KCNIP4: variants seen among roughly 807,000 people sequenced by gnomAD.
KCNIP4 encodes Kv channel-interacting protein 4.
In KCNIP4, 12 loss-of-function variants were observed where a neutral mutation model predicts 34.0. That is an observed-to-expected ratio of 0.35 (90% CI 0.23 to 0.57). The LOEUF (loss-of-function observed/expected upper bound fraction) is 0.57. Among genes scored for constraint, KCNIP4 ranks in the 20% least tolerant of loss-of-function variants. The pLI is 0.83. For synonymous variants in KCNIP4, 124 were observed against 102.2 expected, an observed-to-expected ratio of 1.21 and a Z score of -1.29; for missense variants, 238 against 311.7, an observed-to-expected ratio of 0.76 and a Z score of 1.78.
chr4:20,777,466 G>T (rs534712128), intron 3 of KCNIP4, among the ~76,000 whole-genome samples: 7 of 152,246 alleles, frequency 4.6e-5, no homozygotes, highest in Non-Finnish European at 7.4e-5. Flanking sequence ...TAATGAATAG[G>T]ATTAATGTTC....
chr4:20,941,295 C>T (rs567209946), intron 1 of KCNIP4, among the ~76,000 whole-genome samples: 13 of 152,312 alleles, frequency 8.5e-5, no homozygotes, highest in African/African-American at 2.4e-4. Flanking sequence ...TAGTAGTGAA[C>T]TTATTTCTGC....
chr4:20,923,897 C>G (rs1729653678), intron 1 of KCNIP4, among the ~76,000 whole-genome samples: 1 of 151,984 alleles, frequency 6.6e-6, no homozygotes, highest in Non-Finnish European at 1.5e-5. Flanking sequence ...CAGTTACACT[C>G]TAATATATTC....
chr4:20,857,442 C>T (rs552395084), intron 2 of KCNIP4, among the ~76,000 whole-genome samples: 57 of 152,244 alleles, frequency 3.7e-4, no homozygotes, highest in African/African-American at 1.2e-3. Flanking sequence ...TAATCCTAAT[C>T]CTCACAATAA....
At chr4:20,918,464 CTCTTT>C (rs1300740041) in intron 1 of KCNIP4, among the ~76,000 whole-genome samples, 3 of 152,064 alleles carry the variant, frequency 2.0e-5, no homozygotes, top group African/African-American at 7.2e-5. Context: ...TATCTTTTTT[CTCTTT>C]TAATACTTTT....
chr4:21,520,121 C>T (rs1316386246), intron 1 of KCNIP4, among the ~76,000 whole-genome samples: 1 of 151,996 alleles, frequency 6.6e-6, no homozygotes, highest in Non-Finnish European at 1.5e-5. Context: ...TCTAGCCAAG[C>T]TGGCAACTGA....
chr4:21,219,537 A>G (rs1015192840), intron 1 of KCNIP4, among the ~76,000 whole-genome samples: 4 of 152,222 alleles, frequency 2.6e-5, no homozygotes, highest in Non-Finnish European at 4.4e-5. Flanking sequence ...AATAGCCTTC[A>G]CCATTCACTA....
intron 3 of KCNIP4, among the ~76,000 whole-genome samples, chr4:20,774,162 C>A (rs1756162961): frequency 6.6e-6 from 1 of 152,152 alleles, no homozygotes; most frequent in African/African-American, 2.4e-5. Flanking sequence ...ACCCAGTACA[C>A]ATTCCCCATG....
intron 1 of KCNIP4, among the ~76,000 whole-genome samples, chr4:21,298,387 G>A (rs1279741326): frequency 6.6e-6 from 1 of 152,078 alleles, no homozygotes; most frequent in Non-Finnish European, 1.5e-5. Context: ...CTCCAATATG[G>A]ATCATCTTAC....
At chr4:21,769,594 T>C (rs778734360) in intron 1 of KCNIP4, among the ~76,000 whole-genome samples, 3 of 152,112 alleles carry the variant, frequency 2.0e-5, no homozygotes, top group African/African-American at 2.4e-5. Flanking sequence ...GCAAGAAGAT[T>C]TTATCTAGAT....
chr4:21,175,618 T>C (rs1249072217), intron 1 of KCNIP4, among the ~76,000 whole-genome samples: 1 of 152,126 alleles, frequency 6.6e-6, no homozygotes, highest in Non-Finnish European at 1.5e-5. Flanking sequence ...GGGGCCATGA[T>C]TAAATAAAAT....
chr4:21,598,460 A>T (rs1178987980), intron 1 of KCNIP4, among the ~76,000 whole-genome samples: 1 of 152,040 alleles, frequency 6.6e-6, no homozygotes, highest in Non-Finnish European at 1.5e-5. Context: ...GCTATAGGAG[A>T]TATGTAAAAA....
chr4:20,982,092 C>G (rs185337886), intron 1 of KCNIP4, among the ~76,000 whole-genome samples: 3 of 152,240 alleles, frequency 2.0e-5, no homozygotes, highest in Non-Finnish European at 4.4e-5. Context: ...TGAATCGTTG[C>G]CCGGGGCCTT....
At chr4:21,054,631 C>T (rs773397293) in intron 1 of KCNIP4, among the ~76,000 whole-genome samples, 16 of 140,658 alleles carry the variant, frequency 1.1e-4, no homozygotes, top group Non-Finnish European at 1.5e-4. Context: ...AAAGGTAATA[C>T]AATGGAGTAT....
intron 1 of KCNIP4, among the ~76,000 whole-genome samples, chr4:21,874,916 T>C (rs1459032754): frequency 4.6e-5 from 7 of 152,214 alleles, no homozygotes; most frequent in African/African-American, 1.4e-4. Context: ...AAGATTTCAA[T>C]AGAGGGTAGG....
At chr4:20,948,506 G>C (rs1489151247) in intron 1 of KCNIP4, among the ~76,000 whole-genome samples, 1 of 152,184 alleles carries the variant, frequency 6.6e-6, no homozygotes, top group African/African-American at 2.4e-5. Flanking sequence ...ACATGTGGTT[G>C]GAGGGAGCAT....
chr4:20,971,407 T>C (rs112353124), intron 1 of KCNIP4, among the ~76,000 whole-genome samples: 2 of 152,122 alleles, frequency 1.3e-5, no homozygotes, highest in African/African-American at 4.8e-5. Context: ...AATACAGCCA[T>C]ACCTCAAAGA....
At chr4:21,087,949 T>G (rs564672340) in intron 1 of KCNIP4, among the ~76,000 whole-genome samples, 1 of 152,332 alleles carries the variant, frequency 6.6e-6, no homozygotes, top group African/African-American at 2.4e-5. Context: ...CTCAATATAA[T>G]GTCGCTACTT....
chr4:20,744,748 C>T (rs1011358361), intron 5 of KCNIP4, among the ~76,000 whole-genome samples: 1 of 151,620 alleles, frequency 6.6e-6, no homozygotes, highest in African/African-American at 2.4e-5. Flanking sequence ...GCACATGTAC[C>T]CTAGAACTTA....
intron 3 of KCNIP4, among the ~76,000 whole-genome samples, chr4:20,774,730 G>A (rs1251431567): frequency 1.3e-5 from 2 of 152,172 alleles, no homozygotes; most frequent in African/African-American, 4.8e-5. Context: ...AAACTAGCAG[G>A]AGATATTGCT....
Sources: gnomAD v4.1 joint callset for allele counts (sites outside exome capture counted in the v4.1 genomes callset) on GRCh38, gnomAD v4.1.1 for gene constraint, MANE v1.5 for transcripts, NCBI Gene and HGNC (gene_info 2026-07-23, HGNC 2026-07-21) for gene names.